Variants in AXL observed in about 807,000 individuals in gnomAD.
The protein encoded by AXL is tyrosine-protein kinase receptor UFO.
AXL carries 52 observed loss-of-function variants against 104.5 expected under a neutral mutation model. The observed-to-expected ratio is 0.50, with a 90% CI of 0.40 to 0.63. AXL has a LOEUF of 0.63. AXL is among the 20% of genes least tolerant of loss of function. AXL has a pLI of 0.00. For missense variants in AXL, 1,024 were observed against 1,188.5 expected (o/e 0.86, Z 2.04); for synonymous variants, 455 against 473.7 (o/e 0.96, Z 0.51).
Position 41,221,138 on chromosome 19 carries a change from CCT to C in AXL, c.309-7_309-6del. On this transcript the variant is annotated splice_region_variant and splice_polypyrimidine_tract_variant and intron_variant, in intron 2 of 19. Coordinates refer to ENST00000301178, the MANE Select transcript of AXL (RefSeq NM_021913.5). ...TGAACCTCTCTGTCTCTCCTCTTGC[CCT>C]GTCAGAATCACCTCCCTGCAGCTTT... is the stretch of plus-strand genomic sequence containing the variant. 2 of 1,612,878 alleles carry C rather than the reference CCT, an allele frequency of 1.2e-6. No homozygotes were observed. Among genetic ancestry groups the C allele is most frequent in the Non-Finnish European group, 1.7e-6 (2 of 1,179,272 alleles).
intron 4 of AXL, among the ~76,000 whole-genome samples, chr19:41,227,200 T>G (rs1417217845): frequency 6.6e-6 from 1 of 152,124 alleles, no homozygotes; most frequent in Non-Finnish European, 1.5e-5. Flanking sequence ...GTATCTGTGT[T>G]GGGGGATTCC....
chr19:41,249,276 GA>G (rs899702843), intron 14 of AXL, among the ~76,000 whole-genome samples: 30 of 149,230 alleles, frequency 2.0e-4, no homozygotes, highest in Admixed American at 5.3e-4. Context: ...ACATGTCTAT[GA>G]AAAAAAAAAT....
chr19:41,247,414 A>G (rs1021475881), intron 12 of AXL, among the ~76,000 whole-genome samples: 2 of 152,122 alleles, frequency 1.3e-5, no homozygotes, highest in Non-Finnish European at 2.9e-5. Flanking sequence ...GAGGCAGGAG[A>G]ATCGCTTGAA....
In AXL at chr19:41,237,941, C is replaced by T. The variant is rs929326745; in HGVS notation, c.784-3C>T. 1 of 1,613,644 alleles carries T rather than the reference C, an allele frequency of 6.2e-7. No individual in the cohort carries two copies. The highest frequency in any genetic ancestry group is 8.5e-7 in the Non-Finnish European group (1 of 1,179,646). On this transcript the variant is annotated splice_polypyrimidine_tract_variant and splice_region_variant and intron_variant, in intron 6 of 19. Coordinates refer to ENST00000301178, the MANE Select transcript of AXL (RefSeq NM_021913.5). ...CCGTCCTCACACCCTTGCCTCTCCT[C>T]AGGCTGTGCTGTCAGACGATGGGAT...
intron 16 of AXL, 112 bp from the exon 17 acceptor site, chr19:41,253,487 G>A (rs1437228160): frequency 3.8e-6 from 3 of 785,410 alleles, no homozygotes; most frequent in Non-Finnish European, 6.5e-6. Context: ...GAATTGTCAG[G>A]GCCATGGGAA....
At chr19:41,250,581 T>A (rs777617190) in intron 14 of AXL, among the ~76,000 whole-genome samples, 5 of 152,172 alleles carry the variant, frequency 3.3e-5, no homozygotes, top group African/African-American at 4.8e-5. Flanking sequence ...TAACTGGGAC[T>A]ACAGGTGTGC....
Position 41,220,766 on chromosome 19 carries a change from T to G in AXL, c.216T>G (p.Asp72Glu). The G allele has an allele frequency of 6.2e-7, 1 of 1,614,118 alleles. No homozygotes were observed. Among genetic ancestry groups the G allele is most frequent in the South Asian group, 1.1e-5 (1 of 91,078 alleles). Residue 72 changes from aspartate to glutamate, a missense_variant, in exon 2 of 20, where the codon GAT (aspartate) becomes GAG (glutamate). Physicochemically the swap from Asp to Glu is conservative, Grantham distance 45 (BLOSUM62 2). Around this residue, in one of 5 missense-constraint regions of AXL, gnomAD observed 124 missense variants for 115.5 expected, o/e 1.07. Coordinates refer to ENST00000301178, the MANE Select transcript of AXL (RefSeq NM_021913.5). The part of the protein sequence containing the change: ...GEPPEVHWLR[D>E]GQILELADST... ...CCCCCGAGGTACATTGGCTTCGGGA[T>G]GGACAGATCCTGGAGCTCGCGGACA...
chr19:41,235,173 G>A (rs2034056835), intron 6 of AXL, among the ~76,000 whole-genome samples: 1 of 152,086 alleles, frequency 6.6e-6, no homozygotes, highest in Admixed American at 6.6e-5. Context: ...CCAACATGGA[G>A]TAACCCTGTC....
intron 6 of AXL, among the ~76,000 whole-genome samples, chr19:41,237,114 C>A (rs1336530622): frequency 6.6e-6 from 1 of 152,206 alleles, no homozygotes; most frequent in Non-Finnish European, 1.5e-5. Context: ...AAGACACAGA[C>A]CCTTCCAGTC....
chr19:41,227,100 A>G (rs751110809), intron 4 of AXL, among the ~76,000 whole-genome samples: 7 of 152,108 alleles, frequency 4.6e-5, no homozygotes, highest in Non-Finnish European at 7.4e-5. Flanking sequence ...CCTGTCTCAA[A>G]AAACAAAACG....
In AXL at chr19:41,257,615, C is replaced by T; in HGVS notation, c.2319C>T (p.Asp773=). 1 of 1,614,178 alleles carries T rather than the reference C, an allele frequency of 6.2e-7. No individual in the cohort carries two copies. Among genetic ancestry groups the T allele is most frequent in the Non-Finnish European group, 8.5e-7 (1 of 1,180,016 alleles). Residue 773 remains aspartate, a synonymous_variant, in exon 19 of 20, where the codon GAC becomes GAT. Coordinates refer to ENST00000301178, the MANE Select transcript of AXL (RefSeq NM_021913.5). ...GAAATCGCCTGAAGCAGCCTGCGGACTGTCTGGATGGACTGTGAGGACCCT... is the reference window on the plus strand; with the variant it reads ...GAAATCGCCTGAAGCAGCCTGCGGATTGTCTGGATGGACTGTGAGGACCCT... ...RQGNRLKQPA[D]CLDGLYALMS... is the part of the protein sequence containing the mutation.
intron 6 of AXL, 111 bp from the exon 7 acceptor site, chr19:41,237,833 C>T (rs1775594110): frequency 8.1e-6 from 8 of 990,930 alleles, no homozygotes; most frequent in Admixed American, 2.1e-5. Flanking sequence ...GCAACACACA[C>T]GCACCCTTGA....
rs777643850 is a variant in AXL, at chr19:41,237,896, C to T, written c.784-48C>T. The T allele has an allele frequency of 4.5e-6, 7 of 1,548,428 alleles. No individual in the cohort carries two copies. In the Admixed American group the frequency reaches 5.0e-5, roughly 11 times the overall value. ...ACCACTGGGAGCTGTGTGACCATCT[C>T]GTGTGATTGCTTGGCTGTCCCGTCC... On this transcript the variant is annotated intron_variant, in intron 6 of 19. Coordinates refer to ENST00000301178, the MANE Select transcript of AXL (RefSeq NM_021913.5).
rs191238361 is a variant in AXL, at chr19:41,239,553, C to G, written c.1286-141C>G. The G allele has an allele frequency of 2.4e-4, 294 of 1,220,308 alleles. No homozygotes were observed. In the African/African-American group the frequency reaches 3.7e-3, roughly 16 times the overall value. The allele number at this position is 1,220,308 out of a possible 1,614,324, so 75.6% of individuals were successfully genotyped here. On this transcript the variant is annotated intron_variant, in intron 9 of 19. Coordinates refer to ENST00000301178, the MANE Select transcript of AXL (RefSeq NM_021913.5). ...CTTACCCGTGCCACACCCTCACTCCCTTACCCGTGCCAAACCTTCACTCCC... is the reference window on the plus strand; with the variant it reads ...CTTACCCGTGCCACACCCTCACTCCGTTACCCGTGCCAAACCTTCACTCCC...
intron 6 of AXL, among the ~76,000 whole-genome samples, chr19:41,233,761 C>T (rs1235796466): frequency 6.6e-6 from 1 of 150,754 alleles, no homozygotes; most frequent in Admixed American, 6.6e-5. Context: ...GGCTAGAAAG[C>T]CGAAGCTGAG....
chr19:41,228,956 C>CTTT (rs36016970), intron 4 of AXL, among the ~76,000 whole-genome samples: 52 of 148,744 alleles, frequency 3.5e-4, no homozygotes, highest in Admixed American at 8.7e-4. Flanking sequence ...TCTTTTCTTT[C>CTTT]TTTTTTTTTT....
intron 1 of AXL, among the ~76,000 whole-genome samples, chr19:41,220,228 GCCACCACCCTTATCTCCCCCCA>G (rs371611159): frequency 0.19 from 27,800 of 149,370 alleles, 2,821 homozygotes; most frequent in African/African-American, 0.27. Context: ...TTCTCCCTCC[GCCACCACCCTTATCTCCCCCCA>G]CCACCACCCT....
chr19:41,253,017 C>T (rs1306654919), intron 16 of AXL, 50 bp downstream of exon 16: 5 of 1,597,112 alleles, frequency 3.1e-6, no homozygotes, highest in East Asian at 4.5e-5. Context: ...GAGCATCTAT[C>T]AGGTACCCAG....
At chr19:41,239,666 A>T in intron 9 of AXL, 28 bp from the exon 10 acceptor site, 1 of 1,613,944 alleles carries the variant, frequency 6.2e-7, no homozygotes, top group Non-Finnish European at 8.5e-7. Flanking sequence ...CTCTGAGCAC[A>T]TCTCCTCTCT....
Sources: gnomAD v4.1 joint callset for allele counts (sites outside exome capture counted in the v4.1 genomes callset) on GRCh38, gnomAD v4.1.1 for gene constraint, gnomAD v4.1.1 regional missense constraint, MANE v1.5 for transcripts, NCBI Gene and HGNC (gene_info 2026-07-23, HGNC 2026-07-21) for gene names.